The following STK32B variants were observed in gnomAD, a reference collection of about 807,000 sequenced individuals.
STK32B encodes the protein serine/threonine-protein kinase 32B.
Under a neutral mutation model 52.6 loss-of-function variants are expected in STK32B, and 43 were observed. That is an observed-to-expected ratio of 0.82 (90% CI 0.64 to 1.05). The LOEUF is 1.05. Ranked by LOEUF, STK32B falls within the 50% of genes least tolerant of loss-of-function variation. The pLI, the probability that STK32B is intolerant of heterozygous loss-of-function variation, is 0.00. For synonymous variants in STK32B, 238 were observed against 204.3 expected, an observed-to-expected ratio of 1.17 and a Z score of -1.41; for missense variants, 621 against 534.6, an observed-to-expected ratio of 1.16 and a Z score of -1.59.
chr4:5,248,799 A>G (rs1235923021), intron 3 of STK32B, among the ~76,000 whole-genome samples: 1 of 152,200 alleles, frequency 6.6e-6, no homozygotes, highest in African/African-American at 2.4e-5. Flanking sequence ...GCTGGAAAGC[A>G]TAATTCTCAG....
chr4:5,096,268 G>C (rs762310931), intron 1 of STK32B, among the ~76,000 whole-genome samples: 8 of 152,156 alleles, frequency 5.3e-5, no homozygotes, highest in Non-Finnish European at 1.0e-4. Context: ...AGTGTAAAGG[G>C]AGTAGTATCT....
chr4:5,325,187 C>T lies in STK32B; in HGVS notation c.261-6033C>T, dbSNP rs150910822. Among the ~76,000 whole-genome samples, 572 of 152,246 alleles carry T rather than the reference C, an allele frequency of 3.8e-3. 5 individuals are homozygous for T. Among genetic ancestry groups the T allele is most frequent in the South Asian group, 0.025 (120 of 4,824 alleles). ...CACATCATGCAAAAAATTCCTGTTC[C>T]ACTTATTACTGTGTTTAGAGTTATT... On this transcript the variant is annotated intron_variant, in intron 3 of 11. Transcript: ENST00000282908.
rs74538606 is a variant in STK32B at position 5,202,776 on chromosome 4, T to C, written c.260+34326T>C. Among the ~76,000 whole-genome samples, 325 of 152,332 alleles carry C rather than the reference T, an allele frequency of 2.1e-3. 8 individuals are homozygous for C. In the East Asian group the frequency reaches 0.052, roughly 25 times the overall value. On this transcript the variant is annotated intron_variant, in intron 3 of 11. Transcript: ENST00000282908. ...GCAGCCCCAGGTGTCATTGGTTCCA[T>C]CCCCTCATGTCTGTAATTTCAGGAG...
chr4:5,460,515 G>A lies in STK32B; in HGVS notation c.909+287G>A, dbSNP rs951743699. 6.6e-6 allele frequency among the ~76,000 whole-genome samples: 1 copy of A among 152,186 alleles called. No individual in the cohort carries two copies. The highest frequency in any genetic ancestry group is 1.5e-5 in the Non-Finnish European group (1 of 68,032). On this transcript the variant is annotated intron_variant, in intron 9 of 11. Transcript: ENST00000282908. The surrounding 1 kb of genome is among the most constrained non-coding windows in gnomAD (Gnocchi z 4.8). Reference sequence around the variant, plus strand: ...GGTCCAGGTGTGGGGATAGCAGGCTGATCTACCCTTCTGCCTCCACAGAGC... The same window carrying A: ...GGTCCAGGTGTGGGGATAGCAGGCTAATCTACCCTTCTGCCTCCACAGAGC...
chr4:5,239,885 A>G (rs1222023114), intron 3 of STK32B, among the ~76,000 whole-genome samples: 1 of 152,000 alleles, frequency 6.6e-6, no homozygotes, highest in African/African-American at 2.4e-5. Context: ...CAAATGCATC[A>G]TGTACACTCT....
At chr4:5,167,113 C>T (rs1718935965) in intron 2 of STK32B, among the ~76,000 whole-genome samples, 1 of 152,180 alleles carries the variant, frequency 6.6e-6, no homozygotes, top group Admixed American at 6.5e-5. Flanking sequence ...TTCACCCTTA[C>T]CATCTTCCCA....
At chr4:5,448,800 C>T (rs1262953088) in intron 7 of STK32B, among the ~76,000 whole-genome samples, 1 of 152,056 alleles carries the variant, frequency 6.6e-6, no homozygotes, top group Non-Finnish European at 1.5e-5. Context: ...AAATCTTTCT[C>T]CCAGATATAT....
chr4:5,420,591 G>A lies in STK32B; in HGVS notation c.562+3657G>A, dbSNP rs149839603. Reference sequence around the variant, plus strand: ...GGACATGTGGATGGAGAACCTGCCAGCACTGAGATGCAGCACAGCCATGGA... The same window carrying A: ...GGACATGTGGATGGAGAACCTGCCAACACTGAGATGCAGCACAGCCATGGA... On this transcript the variant is annotated intron_variant, in intron 6 of 11. Transcript: ENST00000282908. 2.6e-5 allele frequency among the ~76,000 whole-genome samples: 4 copies of A among 152,310 alleles called. No homozygotes were observed. The East Asian group carries it at 7.7e-4, about 29-fold the overall frequency.
At chr4:5,226,834 A>G (rs1723908652) in intron 3 of STK32B, among the ~76,000 whole-genome samples, 1 of 152,212 alleles carries the variant, frequency 6.6e-6, no homozygotes, top group African/African-American at 2.4e-5. Context: ...GTTTGGTAAT[A>G]TCTGCAGTTT....
intron 11 of STK32B, among the ~76,000 whole-genome samples, chr4:5,476,249 G>T (rs561929747): frequency 6.6e-6 from 1 of 152,156 alleles, no homozygotes; most frequent in Non-Finnish European, 1.5e-5. Flanking sequence ...TAAGTCATCC[G>T]TCTGAGGTCA....
In STK32B at chr4:5,318,052, G is replaced by C. The variant is rs60805386; in HGVS notation, c.261-13168G>C. Among the ~76,000 whole-genome samples, 1,073 of 152,242 alleles carry C rather than the reference G, an allele frequency of 7.0e-3. 11 individuals are homozygous for C. The highest frequency in any genetic ancestry group is 0.024 in the African/African-American group (1,001 of 41,558). On this transcript the variant is annotated intron_variant, in intron 3 of 11. Transcript: ENST00000282908. ...TGCCTGCTGAAGTTTGAGAACCACT[G>C]GTAGAGAAAGTCTTGGCTCTCAGGG...
intron 3 of STK32B, among the ~76,000 whole-genome samples, chr4:5,182,955 A>G (rs183161996): frequency 6.6e-6 from 1 of 152,300 alleles, no homozygotes. Context: ...TCTGAGCAGT[A>G]GTATTGTTTT....
At chr4:5,364,466 G>A (rs1347687970) in intron 4 of STK32B, among the ~76,000 whole-genome samples, 1 of 152,194 alleles carries the variant, frequency 6.6e-6, no homozygotes, top group East Asian at 1.9e-4. Context: ...CACTGCCTGT[G>A]TCCAGCTGGG....
chr4:5,278,123 C>T (rs1040534275), intron 3 of STK32B, among the ~76,000 whole-genome samples: 1 of 152,052 alleles, frequency 6.6e-6, no homozygotes. Flanking sequence ...TAGAAGATGA[C>T]GTGGGAGGTT....
intron 4 of STK32B, among the ~76,000 whole-genome samples, chr4:5,332,389 A>C (rs1732321359): frequency 6.6e-6 from 1 of 152,180 alleles, no homozygotes; most frequent in South Asian, 2.1e-4. Context: ...ATTCCCCAAA[A>C]GCTCAGGAAT....
intron 1 of STK32B, among the ~76,000 whole-genome samples, chr4:5,098,310 T>C (rs936755745): frequency 5.3e-5 from 8 of 152,226 alleles, no homozygotes; most frequent in African/African-American, 1.4e-4. Flanking sequence ...GGGCTCTATA[T>C]GTATTATTCA....
At chr4:5,039,527 T>G in the STK32B span, among the ~76,000 whole-genome samples, 1 of 152,174 alleles carries the variant, frequency 6.6e-6, no homozygotes, top group Non-Finnish European at 1.5e-5. Flanking sequence ...GAATCCCTCC[T>G]GGGGGACCTG....
chr4:5,362,786 TCTGTGCCTTCC>T (rs781417008), intron 4 of STK32B, among the ~76,000 whole-genome samples: 3 of 152,220 alleles, frequency 2.0e-5, no homozygotes, highest in Non-Finnish European at 4.4e-5. Context: ...TAGTCTTCCA[TCTGTGCCTTCC>T]CTGAGGCAAA....
At position 5,470,656 on chromosome 4, in the gene STK32B, T is replaced by G. The variant is rs192732042; in HGVS notation, c.1106+2586T>G. ...ACCTCATCTTGTGGGAAGAGAGCCA[T>G]GCTCCATCTACCCACAGTCCTCCCT... On this transcript the variant is annotated intron_variant, in intron 11 of 11. Coordinates refer to ENST00000282908, the MANE Select transcript of STK32B (RefSeq NM_018401.3). The surrounding 1 kb of genome is among the most constrained non-coding windows in gnomAD (Gnocchi z 4.6). 1.2e-3 allele frequency among the ~76,000 whole-genome samples: 180 copies of G among 150,474 alleles called. No individual in the cohort carries two copies. The highest frequency in any genetic ancestry group is 4.2e-3 in the African/African-American group (175 of 41,488).
Sources: allele counts gnomAD v4.1 joint callset (sites outside exome capture counted in the v4.1 genomes callset), GRCh38; gene constraint gnomAD v4.1.1; non-coding constraint Gnocchi (gnomAD v3.1); transcripts MANE v1.5; gene names NCBI Gene and HGNC (gene_info 2026-07-23, HGNC 2026-07-21).